KSR2: variants seen among roughly 807,000 people sequenced by gnomAD.
KSR2 encodes the protein kinase suppressor of ras 2.
KSR2 carries 25 observed loss-of-function variants against 107.8 expected under a neutral mutation model. The ratio of observed to expected loss-of-function variants is 0.23; its 90% CI spans 0.17 to 0.32. The LOEUF (loss-of-function observed/expected upper bound fraction) is 0.32. Among genes scored for constraint, KSR2 ranks in the 10% least tolerant of loss-of-function variants. KSR2 has a pLI of 1.00. For missense variants in KSR2, 887 were observed against 1,268.9 expected (o/e 0.70, Z 4.57); for synonymous variants, 480 against 507.0 (o/e 0.95, Z 0.71).
chr12:117,526,990 C>A lies in KSR2; in HGVS notation c.1851+81G>T, dbSNP rs534971711. 6.0e-3 allele frequency: 6,995 copies of A among 1,171,856 alleles called. 29 individuals carry two copies. The highest frequency in any genetic ancestry group is 7.9e-3 in the Non-Finnish European group (6,167 of 780,390). The allele number at this position is 1,171,856 out of a possible 1,614,324, so 72.6% of individuals were successfully genotyped here. ...CCCCCACCTGACCCCAAGCCCTCTG[C>A]GTCATCCAAAACGTCAGTCGGCTTT... On this transcript the variant is annotated intron_variant, in intron 13 of 19. Coordinates refer to ENST00000339824, the MANE Select transcript of KSR2 (RefSeq NM_173598.6).
intron 1 of KSR2, among the ~76,000 whole-genome samples, chr12:117,898,746 A>C (rs74889817): frequency 1.4e-5 from 2 of 146,160 alleles, no homozygotes; most frequent in Middle Eastern, 3.2e-3. Context: ...CTATTCAGCC[A>C]AAAAAAAAAG....
chr12:117,841,497 T>C (rs528435735), intron 3 of KSR2, among the ~76,000 whole-genome samples: 2 of 152,250 alleles, frequency 1.3e-5, no homozygotes, highest in East Asian at 3.9e-4. Flanking sequence ...TGCAGGTGCT[T>C]CCTAAAACTG....
chr12:117,683,854 C>T (rs1037093659), intron 4 of KSR2, among the ~76,000 whole-genome samples: 2 of 152,212 alleles, frequency 1.3e-5, no homozygotes, highest in African/African-American at 2.4e-5. Flanking sequence ...CTTTGCAAGT[C>T]ACTTGCTCTC....
chr12:117,689,403 A>G (rs1398509544), intron 4 of KSR2, among the ~76,000 whole-genome samples: 14 of 152,236 alleles, frequency 9.2e-5, no homozygotes, highest in Non-Finnish European at 2.1e-4. Flanking sequence ...GTTCTATAAC[A>G]GGGGTGAAAA....
At chr12:117,788,936 G>GTA (rs1203854961) in intron 3 of KSR2, among the ~76,000 whole-genome samples, 4 of 152,344 alleles carry the variant, frequency 2.6e-5, no homozygotes, top group African/African-American at 9.6e-5. Flanking sequence ...ACTTGAGCAT[G>GTA]TATCTGAATT....
intron 5 of KSR2, among the ~76,000 whole-genome samples, chr12:117,635,332 T>C (rs1883016025): frequency 6.6e-6 from 1 of 152,162 alleles, no homozygotes; most frequent in South Asian, 2.1e-4. Flanking sequence ...TGATTAAAAC[T>C]AAGAGCAAAC....
chr12:117,523,278 T>G (rs942014133), intron 14 of KSR2, among the ~76,000 whole-genome samples: 16 of 152,330 alleles, frequency 1.1e-4, no homozygotes, highest in African/African-American at 3.8e-4. Context: ...CAGCATCTGT[T>G]CTGGGCCTGG....
intron 5 of KSR2, among the ~76,000 whole-genome samples, chr12:117,601,633 ACCC>A (rs955716403): frequency 6.6e-6 from 1 of 151,702 alleles, no homozygotes; most frequent in African/African-American, 2.4e-5. Flanking sequence ...GCAAGGAAGG[ACCC>A]CCCCCTAGAG....
intron 5 of KSR2, among the ~76,000 whole-genome samples, chr12:117,625,575 C>A (rs1410536314): frequency 6.6e-6 from 1 of 152,116 alleles, no homozygotes; most frequent in East Asian, 1.9e-4. Context: ...GGTGGACAAG[C>A]TTTTTGATGT....
intron 3 of KSR2, among the ~76,000 whole-genome samples, chr12:117,852,267 CA>C (rs200042235): frequency 6.8e-5 from 10 of 146,100 alleles, no homozygotes; most frequent in East Asian, 2.0e-4. Context: ...TACTAAAATA[CA>C]AAAAAAAAAA....
intron 4 of KSR2, among the ~76,000 whole-genome samples, chr12:117,697,918 G>A (rs2136604287): frequency 6.6e-6 from 1 of 152,134 alleles, no homozygotes; most frequent in East Asian, 1.9e-4. Context: ...GAGTAGGGTG[G>A]ACCCCTCCCA....
intron 3 of KSR2, among the ~76,000 whole-genome samples, chr12:117,836,832 G>A (rs538756783): frequency 1.6e-3 from 240 of 152,330 alleles, no homozygotes; most frequent in Middle Eastern, 0.014. Context: ...ACAGCCTCTC[G>A]GGAGGGCTCC....
chr12:117,776,632 G>A (rs1314879645), intron 3 of KSR2, among the ~76,000 whole-genome samples: 2 of 152,020 alleles, frequency 1.3e-5, no homozygotes, highest in African/African-American at 2.4e-5. Flanking sequence ...CTTGATGGTC[G>A]CTGTCATCTC....
intron 3 of KSR2, among the ~76,000 whole-genome samples, chr12:117,839,563 T>G (rs530810842): frequency 6.6e-6 from 1 of 152,328 alleles, no homozygotes; most frequent in East Asian, 1.9e-4. Flanking sequence ...ATTATTTTGT[T>G]TATTAAAAGA....
At chr12:117,618,301 C>T (rs993025200) in intron 5 of KSR2, among the ~76,000 whole-genome samples, 8 of 151,982 alleles carry the variant, frequency 5.3e-5, no homozygotes, top group Non-Finnish European at 1.2e-4. Context: ...CCCTACTGGA[C>T]ACATTGATAT....
chr12:117,890,086 C>A (rs898599359), intron 1 of KSR2, among the ~76,000 whole-genome samples: 1 of 152,182 alleles, frequency 6.6e-6, no homozygotes, highest in Non-Finnish European at 1.5e-5. Flanking sequence ...TCCAACTTTG[C>A]GTTTCTAACA....
rs374754347 is a variant in KSR2 at position 117,725,576 on chromosome 12, A to C, written c.986+35435T>G. Among the ~76,000 whole-genome samples the C allele has an allele frequency of 2.6e-5, 4 of 152,332 alleles. No homozygotes were observed. The East Asian group carries it at 7.7e-4, about 29-fold the overall frequency. ...CCTATCACAAAAGCTAAAAATTATA[A>C]AGCTGCTAAAAGAAAATAGAACATT... On this transcript the variant is annotated intron_variant, in intron 4 of 19. Transcript: ENST00000339824.
At chr12:117,824,583 G>A (rs147129457) in intron 3 of KSR2, among the ~76,000 whole-genome samples, 6,750 of 152,118 alleles carry the variant, frequency 0.044, 212 homozygotes, top group Non-Finnish European at 0.067. Flanking sequence ...TAGGCCGGGC[G>A]CGGTGGCTCA....
intron 5 of KSR2, among the ~76,000 whole-genome samples, chr12:117,655,547 G>A (rs1358287616): frequency 6.6e-6 from 1 of 152,128 alleles, no homozygotes; most frequent in Non-Finnish European, 1.5e-5. Flanking sequence ...TCAAGGGGCG[G>A]AAGTGGCACC....
Sources: gnomAD v4.1 joint callset for allele counts (sites outside exome capture counted in the v4.1 genomes callset) on GRCh38, gnomAD v4.1.1 for gene constraint, MANE v1.5 for transcripts, NCBI Gene and HGNC (gene_info 2026-07-23, HGNC 2026-07-21) for gene names.